The following UBASH3B variants were observed in gnomAD, a reference collection of about 807,000 sequenced individuals.
The protein encoded by UBASH3B is ubiquitin associated and SH3 domain containing B.
UBASH3B carries 37 observed loss-of-function variants against 83.4 expected under a neutral mutation model. The ratio of observed to expected loss-of-function variants is 0.44; its 90% CI spans 0.34 to 0.58. The LOEUF (loss-of-function observed/expected upper bound fraction) is 0.58. Ranked by LOEUF, UBASH3B falls within the 20% of genes least tolerant of loss-of-function variation. The pLI is 0.01. For missense variants in UBASH3B, 657 were observed against 827.2 expected, an observed-to-expected ratio of 0.79 and a Z score of 2.52; for synonymous variants, 304 against 318.3, an observed-to-expected ratio of 0.96 and a Z score of 0.48.
At chr11:122,699,531 CTCTTTCTT>C (rs60346108) in intron 1 of UBASH3B, among the ~76,000 whole-genome samples, 12,300 of 107,752 alleles carry the variant, frequency 0.11, 595 homozygotes, top group Admixed American at 0.15. Flanking sequence ...TTCTTTCTTT[CTCTTTCTT>C]TCTTTCTTTC....
At chr11:122,682,204 T>C (rs74642303) in intron 1 of UBASH3B, among the ~76,000 whole-genome samples, 231 of 152,312 alleles carry the variant, frequency 1.5e-3, no homozygotes, top group African/African-American at 5.3e-3. Context: ...TCTTAAATAA[T>C]TAATTATAAT....
intron 6 of UBASH3B, among the ~76,000 whole-genome samples, chr11:122,793,132 G>A (rs1861089122): frequency 6.6e-6 from 1 of 152,160 alleles, no homozygotes. Context: ...TGTAATCCCA[G>A]CATGACTTTG....
At chr11:122,718,902 T>G (rs1860575929) in intron 1 of UBASH3B, among the ~76,000 whole-genome samples, 1 of 152,174 alleles carries the variant, frequency 6.6e-6, no homozygotes. Context: ...CTGGGCATTT[T>G]GCTACATGCC....
intron 1 of UBASH3B, among the ~76,000 whole-genome samples, chr11:122,757,214 T>C (rs894113481): frequency 6.6e-6 from 1 of 152,208 alleles, no homozygotes; most frequent in Non-Finnish European, 1.5e-5. Context: ...CAAATTCATA[T>C]GCTGAAATCC....
At chr11:122,767,045 C>T (rs564836904) in intron 1 of UBASH3B, among the ~76,000 whole-genome samples, 1 of 152,040 alleles carries the variant, frequency 6.6e-6, no homozygotes, top group African/African-American at 2.4e-5. Context: ...TTTGGGAAGC[C>T]GAGGTGGGCG....
At chr11:122,681,089 G>T (rs907448898) in intron 1 of UBASH3B, among the ~76,000 whole-genome samples, 1 of 152,066 alleles carries the variant, frequency 6.6e-6, no homozygotes, top group Non-Finnish European at 1.5e-5. Flanking sequence ...ATGAAGTTTC[G>T]CTAGAAATTA....
intron 1 of UBASH3B, among the ~76,000 whole-genome samples, chr11:122,735,426 G>C (rs999726152): frequency 2.0e-5 from 3 of 152,182 alleles, no homozygotes; most frequent in African/African-American, 4.8e-5. Flanking sequence ...GAAATGCAAT[G>C]CTAGATGAAC....
intron 1 of UBASH3B, among the ~76,000 whole-genome samples, chr11:122,765,357 C>T (rs1426264758): frequency 1.3e-5 from 2 of 152,210 alleles, no homozygotes; most frequent in Non-Finnish European, 2.9e-5. Context: ...CCACTTCTCA[C>T]TGGGTTTCCA....
chr11:122,806,304 T>G lies in UBASH3B; in HGVS notation c.1596-106T>G. 1.1e-6 allele frequency: 1 copy of G among 937,738 alleles called. No homozygotes were observed. The highest frequency in any genetic ancestry group is 1.6e-5 in the South Asian group (1 of 61,758). The allele number at this position is 937,738 out of a possible 1,614,324, so 58.1% of individuals were successfully genotyped here. A position where few individuals can be genotyped will look rare whatever the true frequency, so the allele number is the denominator to read the frequency against. On this transcript the variant is annotated intron_variant, in intron 11 of 13. Transcript: ENST00000284273. This position sits in a 1 kb window ranked among gnomAD's most constrained non-coding sequence, Gnocchi z 4.0. ...CTAGGGAAATGGATAAACAAACAGA[T>G]CTACGGGATCTTTAGAAATGCCTTG...
intron 1 of UBASH3B, among the ~76,000 whole-genome samples, chr11:122,691,428 G>A (rs1189156171): frequency 1.3e-5 from 2 of 152,152 alleles, no homozygotes; most frequent in Admixed American, 1.3e-4. Flanking sequence ...ACTGGCCTTT[G>A]TTAGCTCAGA....
intron 2 of UBASH3B, 55 bp from the exon 3 acceptor site, chr11:122,776,969 T>G: frequency 2.0e-6 from 3 of 1,491,182 alleles, no homozygotes; most frequent in Non-Finnish European, 2.7e-6. Flanking sequence ...TCAGTTCTTT[T>G]TTCCCCTCCC....
At chr11:122,722,490 T>C (rs1006483885) in intron 1 of UBASH3B, among the ~76,000 whole-genome samples, 14 of 152,188 alleles carry the variant, frequency 9.2e-5, no homozygotes, top group Non-Finnish European at 1.9e-4. Context: ...AGACTGTTCT[T>C]TGTCTAGGAG....
intron 1 of UBASH3B, among the ~76,000 whole-genome samples, chr11:122,683,992 TAAGTC>T (rs975002909): frequency 1.3e-5 from 2 of 152,218 alleles, no homozygotes; most frequent in African/African-American, 4.8e-5. Flanking sequence ...AGTTGATAGT[TAAGTC>T]AAGAGGAAAC....
intron 4 of UBASH3B, 75 bp from the exon 5 acceptor site, chr11:122,782,978 A>G (rs931157135): frequency 1.2e-5 from 18 of 1,517,846 alleles, no homozygotes; most frequent in Non-Finnish European, 1.4e-5. Flanking sequence ...GTACCTTTCT[A>G]TGCCTTTCCT....
intron 6 of UBASH3B, among the ~76,000 whole-genome samples, chr11:122,791,008 C>G (rs1477539730): frequency 1.3e-5 from 2 of 152,032 alleles, no homozygotes; most frequent in Non-Finnish European, 2.9e-5. Context: ...AGAGTTCACT[C>G]CATCCAAACC....
At chr11:122,772,787 GTTTCT>G (rs1860670021) in intron 1 of UBASH3B, among the ~76,000 whole-genome samples, 2 of 152,268 alleles carry the variant, frequency 1.3e-5, no homozygotes, top group East Asian at 1.9e-4. Context: ...TAGCCATTGT[GTTTCT>G]TTTCTTTGTG....
chr11:122,699,022 G>T (rs543154366), intron 1 of UBASH3B, among the ~76,000 whole-genome samples: 1 of 152,140 alleles, frequency 6.6e-6, no homozygotes, highest in African/African-American at 2.4e-5. Flanking sequence ...GCTAATTTTC[G>T]TATTTTTAGT....
At chr11:122,680,957 G>A (rs1330924617) in intron 1 of UBASH3B, among the ~76,000 whole-genome samples, 1 of 152,126 alleles carries the variant, frequency 6.6e-6, no homozygotes, top group Non-Finnish European at 1.5e-5. Context: ...GTGAGCAGCC[G>A]GTCCCAGGGC....
chr11:122,746,271 CGTCT>C (rs1420461891), intron 1 of UBASH3B, among the ~76,000 whole-genome samples: 1 of 152,144 alleles, frequency 6.6e-6, no homozygotes, highest in African/African-American at 2.4e-5. Flanking sequence ...GAAACTCACA[CGTCT>C]ATGGGTGACA....
Sources: allele counts gnomAD v4.1 joint callset (sites outside exome capture counted in the v4.1 genomes callset), GRCh38; gene constraint gnomAD v4.1.1; non-coding constraint Gnocchi (gnomAD v3.1); transcripts MANE v1.5; gene names NCBI Gene and HGNC (gene_info 2026-07-23, HGNC 2026-07-21).